Variants in NHEJ1 observed in about 807,000 individuals in gnomAD.
NHEJ1 encodes non-homologous end joining factor 1.
NHEJ1 carries 22 observed loss-of-function variants against 39.4 expected under a neutral mutation model. The observed-to-expected ratio is 0.56, with a 90% confidence interval of 0.40 to 0.80. NHEJ1 has a LOEUF of 0.80. NHEJ1 is among the 30% of genes least tolerant of loss of function. The pLI, the probability that NHEJ1 is intolerant of heterozygous loss-of-function variation, is 0.00. For missense variants in NHEJ1, 329 were observed against 357.1 expected (o/e 0.92, Z 0.63); for synonymous variants, 154 against 135.6 (o/e 1.14, Z -0.94).
At chr2:219,158,163 G>C (rs775348172) in intron 2 of NHEJ1, 23 bp downstream of exon 2, 1 of 1,613,366 alleles carries the variant, frequency 6.2e-7, no homozygotes, top group South Asian at 1.1e-5. Context: ...CCCCGACACA[G>C]CAGTACTTCT....
chr2:219,147,725 G>C lies in NHEJ1; in HGVS notation c.461C>G (p.Ala154Gly). ...TAGGTCTTTCATATGAAGTAACGTT[G>C]CTAGCTCCCTCACTTGGCACTGTAA... Reference protein sequence around the residue: ...LALQCQVRELATLLHMKDLEI... With the variant: ...LALQCQVRELGTLLHMKDLEI... Residue 154 changes from alanine (A) to glycine (G), a missense_variant, in exon 4 of 8, where the codon GCA becomes GGA. Coordinates refer to ENST00000356853, the MANE Select transcript of NHEJ1 (RefSeq NM_024782.3). 6.2e-7 allele frequency: 1 copy of C among 1,614,110 alleles called. No individual in the cohort carries two copies. The highest frequency in any genetic ancestry group is 2.2e-5 in the East Asian group (1 of 44,892).
At chr2:219,098,608 C>T (rs771404271) in intron 5 of NHEJ1, among the ~76,000 whole-genome samples, 33 of 152,206 alleles carry the variant, frequency 2.2e-4, no homozygotes, top group Non-Finnish European at 2.9e-4. Context: ...AATTTAACTG[C>T]CTGGCAGCAT....
At position 219,103,844 on chromosome 2, in the gene NHEJ1, G is replaced by C. The variant is rs573180357; in HGVS notation, c.589-25638C>G. On this transcript the variant is annotated intron_variant, in intron 5 of 7. Coordinates refer to ENST00000356853, the MANE Select transcript of NHEJ1 (RefSeq NM_024782.3). ...AGCCAGGTTTCAACTCAGATCACCA[G>C]ACTCTGGAGTCCCCATTTAGACCAA... Among the ~76,000 whole-genome samples the C allele has an allele frequency of 1.1e-4, 16 of 152,294 alleles. No homozygotes were observed. In the East Asian group the frequency reaches 2.3e-3, roughly 22 times the overall value.
At chr2:219,091,068 T>A (rs2106327627) in intron 5 of NHEJ1, among the ~76,000 whole-genome samples, 1 of 152,256 alleles carries the variant, frequency 6.6e-6, no homozygotes, top group East Asian at 1.9e-4. Context: ...CACTGAAGTA[T>A]GTGCTGGGAA....
At chr2:219,158,760 TAGAAG>T (rs1295469266) in intron 1 of NHEJ1, 1 of 248,534 alleles carries the variant, frequency 4.0e-6, no homozygotes, top group Non-Finnish European at 8.0e-6. Context: ...TTCCCAGAAC[TAGAAG>T]AGAAGGAATA....
intron 2 of NHEJ1, 117 bp downstream of exon 2, chr2:219,158,069 T>A: frequency 1.2e-6 from 1 of 858,448 alleles, no homozygotes; most frequent in East Asian, 3.1e-5. Flanking sequence ...CAGGTAGAAG[T>A]ACAGGACATT....
Position 219,074,542 on chromosome 2 carries a change from G to A in NHEJ1, c.*1839C>T, listed in dbSNP as rs1334103808. On this transcript the variant is annotated 3_prime_UTR_variant, in exon 8 of 8. Coordinates refer to ENST00000356853, the MANE Select transcript of NHEJ1 (RefSeq NM_024782.3). ...GTAGATCACCTGAGGTCAGGAGTTC[G>A]AGACCAGCCTAGCCAACATGGTGAA... Among the ~76,000 whole-genome samples, 2 of 152,014 alleles carry A rather than the reference G, an allele frequency of 1.3e-5. No individual in the cohort carries two copies. Among genetic ancestry groups the A allele is most frequent in the Admixed American group, 6.6e-5 (1 of 15,262 alleles).
At chr2:219,160,695 C>G (rs955721339) in intron 1 of NHEJ1, 25 bp downstream of exon 1, 4 of 152,344 alleles carry the variant, frequency 2.6e-5, no homozygotes, top group Admixed American at 2.0e-4. Flanking sequence ...TGCTCCTGCC[C>G]GGACTCGAAC....
rs762890479 is a variant in NHEJ1, at chr2:219,158,166, G to A, written c.177+20C>T. On this transcript the variant is annotated intron_variant, in intron 2 of 7. Coordinates refer to ENST00000356853, the MANE Select transcript of NHEJ1 (RefSeq NM_024782.3). ...TGATGTTCACATCCCCGACACAGCA[G>A]TACTTCTCCTCATACTTACCTTGGC... 1.9e-5 allele frequency: 30 copies of A among 1,613,584 alleles called. No individual in the cohort carries two copies. Among genetic ancestry groups the A allele is most frequent in the Non-Finnish European group, 2.4e-5 (28 of 1,179,734 alleles).
In NHEJ1 at chr2:219,074,127, T is replaced by C. The variant is rs922284354; in HGVS notation, c.*2254A>G. Among the ~76,000 whole-genome samples, 3 of 152,220 alleles carry C rather than the reference T, an allele frequency of 2.0e-5. No homozygotes were observed. Among genetic ancestry groups the C allele is most frequent in the Non-Finnish European group, 4.4e-5 (3 of 68,024 alleles). The stretch of plus-strand genomic sequence containing the variant: ...ACAACGTATTTAAGCAATACCCCAA[T>C]GGAGACAGCAACCTTTGGGGATGAT... On this transcript the variant is annotated 3_prime_UTR_variant, in exon 8 of 8. Transcript: ENST00000356853.
At chr2:219,080,247 C>T (rs1464748361) in intron 5 of NHEJ1, among the ~76,000 whole-genome samples, 2 of 152,088 alleles carry the variant, frequency 1.3e-5, no homozygotes, top group Non-Finnish European at 2.9e-5. Flanking sequence ...TTAATATATG[C>T]TAGACATGGC....
chr2:219,115,778 T>C (rs1002156691), intron 5 of NHEJ1, among the ~76,000 whole-genome samples: 1 of 152,188 alleles, frequency 6.6e-6, no homozygotes, highest in African/African-American at 2.4e-5. Context: ...CCTACTCGTT[T>C]GCAATTATGA....
In NHEJ1 at chr2:219,072,027, G is replaced by A. The variant is rs1022766021; in HGVS notation, c.*4354C>T. Among the ~76,000 whole-genome samples the A allele has an allele frequency of 6.6e-5, 10 of 152,208 alleles. No individual in the cohort carries two copies. The highest frequency in any genetic ancestry group is 2.6e-4 in the Admixed American group (4 of 15,288). ...AAAGGCCACCACAAAAAAAGTCTCA[G>A]AAGATGGGATGAAAGATCAAGAAAG... On this transcript the variant is annotated 3_prime_UTR_variant, in exon 8 of 8. Transcript: ENST00000356853.
intron 5 of NHEJ1, among the ~76,000 whole-genome samples, chr2:219,092,857 C>T (rs1253236260): frequency 1.3e-5 from 2 of 152,156 alleles, no homozygotes; most frequent in Non-Finnish European, 2.9e-5. Context: ...ATCTTGAGAT[C>T]CCAGAGAAAG....
At position 219,074,256 on chromosome 2, in the gene NHEJ1, TA is replaced by T. The variant is rs1948991626; in HGVS notation, c.*2124del. ...CAACAAAATTTTGCTCTTAAGATTTTACCTACAATTTTGAGGGATTCACAGG... is the reference window on the plus strand; with the variant it reads ...CAACAAAATTTTGCTCTTAAGATTTTCCTACAATTTTGAGGGATTCACAGG... On this transcript the variant is annotated 3_prime_UTR_variant, in exon 8 of 8. Coordinates refer to ENST00000356853, the MANE Select transcript of NHEJ1 (RefSeq NM_024782.3). Among the ~76,000 whole-genome samples the T allele has an allele frequency of 1.3e-5, 2 of 152,198 alleles. No individual in the cohort carries two copies. Among genetic ancestry groups the T allele is most frequent in the Admixed American group, 1.3e-4 (2 of 15,284 alleles).
intron 3 of NHEJ1, among the ~76,000 whole-genome samples, chr2:219,152,613 C>T (rs1485615215): frequency 6.6e-6 from 1 of 152,000 alleles, no homozygotes; most frequent in African/African-American, 2.4e-5. Flanking sequence ...CACATGCCAC[C>T]ACACCCACCT....
At chr2:219,123,980 CAGAGGTAGAG>C (rs903370327) in intron 5 of NHEJ1, among the ~76,000 whole-genome samples, 13 of 152,130 alleles carry the variant, frequency 8.5e-5, no homozygotes, top group African/African-American at 3.1e-4. Context: ...GCGGTGGGGG[CAGAGGTAGAG>C]AGAGGGAGAA....
intron 3 of NHEJ1, among the ~76,000 whole-genome samples, chr2:219,152,404 A>C (rs1949804689): frequency 6.6e-6 from 1 of 152,160 alleles, no homozygotes; most frequent in Non-Finnish European, 1.5e-5. Context: ...CCAGGAGTTC[A>C]AGATCAGCCT....
chr2:219,101,318 T>C (rs918923249), intron 5 of NHEJ1, among the ~76,000 whole-genome samples: 2 of 152,230 alleles, frequency 1.3e-5, no homozygotes, highest in Non-Finnish European at 2.9e-5. Context: ...TTTTGCCATG[T>C]TGGCCAGGCT....
Sources: gnomAD v4.1 joint callset for allele counts (sites outside exome capture counted in the v4.1 genomes callset) on GRCh38, gnomAD v4.1.1 for gene constraint, MANE v1.5 for transcripts, NCBI Gene and HGNC (gene_info 2026-07-23, HGNC 2026-07-21) for gene names.